The following AMZ2 variants were observed in gnomAD, a reference collection of about 807,000 sequenced individuals.
AMZ2 encodes the protein archaemetzincin-2.
Under a neutral mutation model 36.7 loss-of-function variants are expected in AMZ2, and 26 were observed. The ratio of observed to expected loss-of-function variants is 0.71; its 90% confidence interval spans 0.52 to 0.98. The LOEUF is 0.98. AMZ2 is among the 50% of genes least tolerant of loss of function. AMZ2 has a pLI of 0.00. For synonymous variants in AMZ2, 144 were observed against 149.1 expected, an observed-to-expected ratio of 0.97 and a Z score of 0.25; for missense variants, 394 against 430.5, an observed-to-expected ratio of 0.92 and a Z score of 0.75.
chr17:68,233,983 A>T (rs2073729795), intron 1 of AMZ2, among the ~76,000 whole-genome samples: 1 of 152,116 alleles, frequency 6.6e-6, no homozygotes, highest in African/African-American at 2.4e-5. Flanking sequence ...GTTTTTCTGG[A>T]TTGCTACTAC....
chr17:68,210,280 AC>A (rs1422919837), intron 1 of AMZ2, among the ~76,000 whole-genome samples: 8 of 152,370 alleles, frequency 5.3e-5, no homozygotes, highest in African/African-American at 1.9e-4. Context: ...AAAGGTGGAA[AC>A]AGCCTACATG....
At chr17:68,247,778 GGCCGCGGAGCC>G, upstream of AMZ2, 2 of 985,592 alleles carry the variant, frequency 2.0e-6, no homozygotes, top group Non-Finnish European at 1.2e-6. Context: ...TCGAGAACCG[GGCCGCGGAGCC>G]GCCGCGAGCG....
rs71356620 is a variant in AMZ2 at position 68,211,679 on chromosome 17, CAT to C, written c.-67+5444_-67+5445del. Reference sequence around the variant, plus strand: ...AAAGTGGTATGAAGAATTGGGAAAACATATGTATATGTATATATATGTATATA... The same window carrying C: ...AAAGTGGTATGAAGAATTGGGAAAACATGTATATGTATATATATGTATATA... On this transcript the variant is annotated intron_variant, in intron 1 of 7. Coordinates refer to the AMZ2 transcript ENST00000674770. Among the ~76,000 whole-genome samples the C allele has an allele frequency of 1.3e-3, 171 of 131,820 alleles. 3 individuals are homozygous for C. Among genetic ancestry groups the C allele is most frequent in the East Asian group, 0.01 (48 of 4,608 alleles). The allele number at this position is 131,820 out of a possible 152,430, so 86.5% of individuals were successfully genotyped here. A position where few individuals can be genotyped will look rare whatever the true frequency, so the allele number is the denominator to read the frequency against.
At chr17:68,230,191 G>A (rs1391776009) in intron 1 of AMZ2, among the ~76,000 whole-genome samples, 1 of 152,130 alleles carries the variant, frequency 6.6e-6, no homozygotes, top group African/African-American at 2.4e-5. Flanking sequence ...TCCTGCCTCA[G>A]CCTCCTGAAT....
intron 1 of AMZ2, among the ~76,000 whole-genome samples, chr17:68,223,289 A>G (rs2073415965): frequency 6.6e-6 from 1 of 152,044 alleles, no homozygotes; most frequent in Admixed American, 6.6e-5. Flanking sequence ...TCCACACCAG[A>G]AGGCATGAAG....
chr17:68,240,074 G>T (rs1211616997), intron 1 of AMZ2, among the ~76,000 whole-genome samples: 1 of 152,178 alleles, frequency 6.6e-6, no homozygotes, highest in Non-Finnish European at 1.5e-5. Context: ...CACGGTTCTA[G>T]GAACTGGAAT....
intron 1 of AMZ2, among the ~76,000 whole-genome samples, chr17:68,225,474 A>G (rs1286532787): frequency 6.6e-6 from 1 of 152,176 alleles, no homozygotes; most frequent in Non-Finnish European, 1.5e-5. Context: ...TATTTTTACT[A>G]TAGGAAAACA....
At chr17:68,251,812 C>T (rs1488026001) in intron 4 of AMZ2, among the ~76,000 whole-genome samples, 1 of 152,160 alleles carries the variant, frequency 6.6e-6, no homozygotes, top group Non-Finnish European at 1.5e-5. Context: ...AATTATTTTT[C>T]AATTCTTTTC....
upstream of AMZ2, among the ~76,000 whole-genome samples, chr17:68,245,739 TAG>T (rs1224441807): frequency 1.3e-5 from 2 of 152,226 alleles, no homozygotes; most frequent in African/African-American, 2.4e-5. Context: ...ACACCTCGTA[TAG>T]AGAGTCTTTA....
chr17:68,242,793 T>C (rs1555734342), intron 1 of AMZ2, among the ~76,000 whole-genome samples: 1 of 152,128 alleles, frequency 6.6e-6, no homozygotes, highest in African/African-American at 2.4e-5. Flanking sequence ...CCCAGCACTT[T>C]GGAAGGTGGA....
chr17:68,225,942 A>C (rs1555729779), intron 1 of AMZ2, among the ~76,000 whole-genome samples: 1 of 152,136 alleles, frequency 6.6e-6, no homozygotes, highest in Non-Finnish European at 1.5e-5. Flanking sequence ...ATTTTTCAGC[A>C]TGTAATTAAG....
At chr17:68,229,178 G>A (rs1427264807) in intron 1 of AMZ2, among the ~76,000 whole-genome samples, 1 of 152,230 alleles carries the variant, frequency 6.6e-6, no homozygotes, top group Non-Finnish European at 1.5e-5. Context: ...GAAGGTAGGG[G>A]ACGTCACGGT....
At chr17:68,221,459 GTGGCTCACGCC>G (rs1555728524) in intron 1 of AMZ2, among the ~76,000 whole-genome samples, 1 of 152,124 alleles carries the variant, frequency 6.6e-6, no homozygotes, top group African/African-American at 2.4e-5. Context: ...GCAGGGCACG[GTGGCTCACGCC>G]TGTAATCCCA....
chr17:68,247,952 C>A (rs529792440), upstream of AMZ2: 296 of 984,638 alleles, frequency 3.0e-4, no homozygotes, highest in Non-Finnish European at 3.4e-4. Flanking sequence ...ATGGGTGGGT[C>A]GTGAGTTGGG....
intron 1 of AMZ2, among the ~76,000 whole-genome samples, chr17:68,211,538 ATAG>A (rs1208814083): frequency 6.6e-6 from 1 of 151,282 alleles, no homozygotes; most frequent in African/African-American, 2.4e-5. Context: ...TTGGAATTAA[ATAG>A]TGGTGATGGT....
At chr17:68,236,170 A>G (rs1290157483) in intron 1 of AMZ2, among the ~76,000 whole-genome samples, 1 of 151,932 alleles carries the variant, frequency 6.6e-6, no homozygotes, top group Non-Finnish European at 1.5e-5. Flanking sequence ...AAATACAATT[A>G]TTATTCAAAA....
chr17:68,236,420 T>C (rs1438175724), intron 1 of AMZ2, among the ~76,000 whole-genome samples: 1 of 151,948 alleles, frequency 6.6e-6, no homozygotes, highest in Admixed American at 6.6e-5. Flanking sequence ...AGTATAGATT[T>C]ACATAATTTT....
intron 1 of AMZ2, among the ~76,000 whole-genome samples, chr17:68,229,858 G>A (rs1185656972): frequency 2.3e-4 from 35 of 152,168 alleles, no homozygotes; most frequent in African/African-American, 7.5e-4. Context: ...ACATGTGCAC[G>A]TGTTTGGCTG....
intron 1 of AMZ2, among the ~76,000 whole-genome samples, chr17:68,211,573 T>C (rs2073046752): frequency 6.6e-6 from 1 of 151,022 alleles, no homozygotes. Flanking sequence ...GTGAATACTA[T>C]ACTAAAACCC....
Sources: allele counts gnomAD v4.1 joint callset (sites outside exome capture counted in the v4.1 genomes callset), GRCh38; gene constraint gnomAD v4.1.1; transcripts MANE v1.5; gene names NCBI Gene and HGNC (gene_info 2026-07-23, HGNC 2026-07-21).